The following ZNF827 variants were observed in gnomAD, a reference collection of about 807,000 sequenced individuals.
ZNF827 encodes the protein zinc finger protein 827.
ZNF827 carries 13 observed loss-of-function variants against 102.4 expected under a neutral mutation model. That is an observed-to-expected ratio of 0.13 (90% CI 0.08 to 0.20). The LOEUF (loss-of-function observed/expected upper bound fraction) is 0.20. Ranked by LOEUF, ZNF827 falls within the 10% of genes least tolerant of loss-of-function variation. ZNF827 has a pLI of 1.00. For synonymous variants in ZNF827, 523 were observed against 536.2 expected, an observed-to-expected ratio of 0.98 and a Z score of 0.34; for missense variants, 1,103 against 1,344.4, an observed-to-expected ratio of 0.82 and a Z score of 2.81.
chr4:145,836,587 T>C (rs1453158447), intron 7 of ZNF827, among the ~76,000 whole-genome samples: 7 of 151,780 alleles, frequency 4.6e-5, no homozygotes, highest in African/African-American at 1.5e-4. Context: ...TGTTCCTGGC[T>C]CGGACTTCAA....
rs867942596 is a variant in ZNF827, at chr4:145,761,690, C to A, written c.*18-92G>T. 5.1e-6 allele frequency: 4 copies of A among 782,168 alleles called. No homozygotes were observed. The highest frequency in any genetic ancestry group is 3.1e-5 in the Admixed American group (1 of 32,560). The allele number at this position is 782,168 out of a possible 1,614,324, so 48.5% of individuals were successfully genotyped here. A position where few individuals can be genotyped will look rare whatever the true frequency, so the allele number is the denominator to read the frequency against. ...GCCTCACCAGCCTTCCCTCACACCA[C>A]CCCCCAGTGTCTGAGGCCTGGCCTG... On this transcript the variant is annotated intron_variant, in intron 14 of 14. Coordinates refer to ENST00000508784, the MANE Select transcript of ZNF827 (RefSeq NM_001306215.2). This position sits in a 1 kb window ranked among gnomAD's most constrained non-coding sequence, Gnocchi z 6.8.
Position 145,765,830 on chromosome 4 carries a change from C to CATG in ZNF827, c.2861-93_2861-92insCAT. ...GGTGACGAGTTGAGTCTCATGGATG[C>CATG]ATCATCATTCTGGGGGCACAGGCTC... On this transcript the variant is annotated intron_variant, in intron 11 of 14. Transcript: ENST00000508784. The surrounding 1 kb of genome is among the most constrained non-coding windows in gnomAD (Gnocchi z 4.7). 1 of 1,310,196 alleles carries CATG rather than the reference C, an allele frequency of 7.6e-7. No individual in the cohort carries two copies. The highest frequency in any genetic ancestry group is 1.5e-5 in the African/African-American group (1 of 67,914). 81.2% of individuals were successfully genotyped at this position (1,310,196 alleles called of 1,614,324 possible).
intron 5 of ZNF827, among the ~76,000 whole-genome samples, chr4:145,858,125 GCA>G (rs1203805425): frequency 8.0e-6 from 1 of 124,730 alleles, no homozygotes; most frequent in Non-Finnish European, 1.6e-5. Flanking sequence ...TGATGTGTGT[GCA>G]TGTGTGAGTG....
At position 145,902,039 on chromosome 4, in the gene ZNF827, T is replaced by TTAA; in HGVS notation, c.1093+126_1093+127insTTA. On this transcript the variant is annotated intron_variant, in intron 2 of 14. Coordinates refer to ENST00000508784, the MANE Select transcript of ZNF827 (RefSeq NM_001306215.2). The surrounding 1 kb of genome is among the most constrained non-coding windows in gnomAD (Gnocchi z 4.3). ...TGCTGCTTACTTAAAGTATTTTTGT[T>TTAA]GTGCTCTTGCTTTTTTATTCCTGCC... 8.2e-7 allele frequency: 1 copy of TTAA among 1,223,976 alleles called. No homozygotes were observed. The allele number at this position is 1,223,976 out of a possible 1,614,324, so 75.8% of individuals were successfully genotyped here. A position where few individuals can be genotyped will look rare whatever the true frequency, so the allele number is the denominator to read the frequency against.
chr4:145,924,954 C>T (rs908825582), intron 1 of ZNF827, among the ~76,000 whole-genome samples: 4 of 152,100 alleles, frequency 2.6e-5, no homozygotes, highest in South Asian at 2.1e-4. Context: ...AAGACATACC[C>T]GAGACTGGGT....
chr4:145,772,933 CACG>C (rs1391973386), intron 11 of ZNF827, among the ~76,000 whole-genome samples: 1 of 152,174 alleles, frequency 6.6e-6, no homozygotes, highest in African/African-American at 2.4e-5. Context: ...AGTTTCCACT[CACG>C]ACAATTAAAT....
intron 10 of ZNF827, among the ~76,000 whole-genome samples, chr4:145,775,432 T>C (rs1296444958): frequency 1.3e-5 from 2 of 152,160 alleles, no homozygotes; most frequent in East Asian, 3.8e-4. Flanking sequence ...CTCAGCTTTT[T>C]TTTTTTTAAA....
At chr4:145,875,358 C>T (rs1452637979) in intron 4 of ZNF827, among the ~76,000 whole-genome samples, 1 of 152,172 alleles carries the variant, frequency 6.6e-6, no homozygotes, top group Non-Finnish European at 1.5e-5. Flanking sequence ...CACAGAGACA[C>T]TTGGCTCAGA....
chr4:145,852,230 C>G (rs1228122529), intron 5 of ZNF827, among the ~76,000 whole-genome samples: 2 of 152,170 alleles, frequency 1.3e-5, no homozygotes, highest in African/African-American at 4.8e-5. Flanking sequence ...CTCCTCACAC[C>G]TCATACCACC....
intron 1 of ZNF827, among the ~76,000 whole-genome samples, chr4:145,936,916 G>A (rs973337197): frequency 1.3e-5 from 2 of 151,800 alleles, no homozygotes; most frequent in Non-Finnish European, 2.9e-5. Context: ...GGAGTAGTGT[G>A]GGGGGAGAGA....
intron 7 of ZNF827, among the ~76,000 whole-genome samples, chr4:145,834,553 A>C (rs568832025): frequency 5.3e-5 from 8 of 150,314 alleles, no homozygotes; most frequent in African/African-American, 1.7e-4. Flanking sequence ...AGCCCTCCCC[A>C]TCCTGCCCAG....
At chr4:145,841,432 T>G (rs1745405836) in intron 7 of ZNF827, among the ~76,000 whole-genome samples, 1 of 152,232 alleles carries the variant, frequency 6.6e-6, no homozygotes, top group African/African-American at 2.4e-5. Flanking sequence ...CTGCTCCCTG[T>G]AGAACCTAGG....
At chr4:145,831,349 A>T (rs1744193411) in intron 7 of ZNF827, 1 of 152,224 alleles carries the variant, frequency 6.6e-6, no homozygotes, top group Non-Finnish European at 1.5e-5. Flanking sequence ...CACATTTTCA[A>T]AGAAAGAGGG....
In ZNF827 at chr4:145,779,359, G is replaced by A; in HGVS notation, c.2521+15C>T. The stretch of plus-strand genomic sequence containing the variant: ...GGAGCATAGAGGGCTGACAGCCCAG[G>A]CCCTACTCACTCACCTGTGTGCAGC... On this transcript the variant is annotated intron_variant, in intron 9 of 14. Transcript: ENST00000508784. 1 of 1,613,310 alleles carries A rather than the reference G, an allele frequency of 6.2e-7. No individual in the cohort carries two copies. The highest frequency in any genetic ancestry group is 8.5e-7 in the Non-Finnish European group (1 of 1,179,604).
intron 1 of ZNF827, among the ~76,000 whole-genome samples, chr4:145,911,327 T>C (rs955288297): frequency 2.6e-5 from 4 of 152,190 alleles, no homozygotes; most frequent in African/African-American, 9.7e-5. Context: ...CAAGGAAACT[T>C]TATTCTCTAG....
At chr4:145,844,783 T>C (rs777170481) in intron 7 of ZNF827, among the ~76,000 whole-genome samples, 77 of 152,162 alleles carry the variant, frequency 5.1e-4, no homozygotes, top group Admixed American at 1.0e-3. Context: ...TCTTTGAAAT[T>C]TGACATTCCT....
rs182841073 is a variant in ZNF827, at chr4:145,857,116, T to C, written c.1982-7555A>G. On this transcript the variant is annotated intron_variant, in intron 5 of 14. Transcript: ENST00000508784. ...ACATTTTCCCTCTATATCAGTATAA[T>C]ACCTGGAAATTTAGGAAGGAAAATT... Among the ~76,000 whole-genome samples the C allele has an allele frequency of 3.6e-3, 544 of 152,342 alleles. 1 individual carries two copies. Among genetic ancestry groups the C allele is most frequent in the African/African-American group, 0.012 (506 of 41,578 alleles).
intron 2 of ZNF827, among the ~76,000 whole-genome samples, chr4:145,901,197 C>T (rs1344158111): frequency 6.6e-6 from 1 of 152,210 alleles, no homozygotes; most frequent in Non-Finnish European, 1.5e-5. Flanking sequence ...TGGCTAGACA[C>T]ACACGATGGC....
At position 145,814,606 on chromosome 4, in the gene ZNF827, TAACAAACA is replaced by T. The variant is rs59852029; in HGVS notation, c.2383+8808_2383+8815del. ...ACCAGTGTTTCCTGGTCTCACCTCC[TAACAAACA>T]AACAAACAAACAAACAAACAAAAAC... is the stretch of plus-strand genomic sequence containing the variant. On this transcript the variant is annotated intron_variant, in intron 8 of 14. Coordinates refer to ENST00000508784, the MANE Select transcript of ZNF827 (RefSeq NM_001306215.2). Among the ~76,000 whole-genome samples the T allele has an allele frequency of 1.5e-4, 22 of 148,000 alleles. No individual in the cohort carries two copies. In the East Asian group the frequency reaches 2.0e-3, roughly 13 times the overall value.
Sources: gnomAD v4.1 joint callset for allele counts (sites outside exome capture counted in the v4.1 genomes callset) on GRCh38, gnomAD v4.1.1 for gene constraint, Gnocchi (gnomAD v3.1) non-coding constraint, MANE v1.5 for transcripts, NCBI Gene and HGNC (gene_info 2026-07-23, HGNC 2026-07-21) for gene names.